Variants in PPP1CB observed in about 807,000 individuals in gnomAD.
PPP1CB encodes the protein protein phosphatase 1 catalytic subunit beta, also known as serine/threonine-protein phosphatase PP1-beta catalytic subunit.
PPP1CB carries 2 observed loss-of-function variants against 43.7 expected under a neutral mutation model. The ratio of observed to expected loss-of-function variants is 0.05; its 90% CI spans 0.02 to 0.14. The LOEUF (loss-of-function observed/expected upper bound fraction) is 0.14, where lower values mean the gene tolerates loss of function less well. Among genes scored for constraint, PPP1CB ranks in the 10% least tolerant of loss-of-function variants. The pLI, the probability that PPP1CB is intolerant of heterozygous loss-of-function variation, is 1.00. For synonymous variants in PPP1CB, 136 were observed against 135.6 expected (o/e 1.00, Z -0.02); for missense variants, 84 against 398.0 (o/e 0.21, Z 6.71).
intron 1 of PPP1CB, among the ~76,000 whole-genome samples, chr2:28,760,025 C>T (rs904210029): frequency 6.6e-6 from 1 of 152,092 alleles, no homozygotes; most frequent in Non-Finnish European, 1.5e-5. Flanking sequence ...GTGATGGCTC[C>T]ATGCATGTTA....
chr2:28,755,950 A>G (rs1291301585), intron 1 of PPP1CB, among the ~76,000 whole-genome samples: 1 of 152,240 alleles, frequency 6.6e-6, no homozygotes, highest in Non-Finnish European at 1.5e-5. Context: ...CATTCTTTCA[A>G]GAAGTCCCCT....
At chr2:28,789,836 T>C (rs899529193) in intron 6 of PPP1CB, among the ~76,000 whole-genome samples, 2 of 152,056 alleles carry the variant, frequency 1.3e-5, no homozygotes, top group African/African-American at 4.8e-5. Flanking sequence ...TGAGCTCAAG[T>C]GATCTGCGCC....
chr2:28,768,388 T>C (rs756210805), intron 1 of PPP1CB, among the ~76,000 whole-genome samples: 11 of 152,174 alleles, frequency 7.2e-5, no homozygotes, highest in Non-Finnish European at 1.6e-4. Context: ...CCTCAAAATC[T>C]GCAGTCAGGT....
chr2:28,752,408 A>T (rs1161544237), intron 1 of PPP1CB, among the ~76,000 whole-genome samples: 1 of 151,802 alleles, frequency 6.6e-6, no homozygotes, highest in East Asian at 1.9e-4. Flanking sequence ...GTTCCCGCGG[A>T]CCCTCGGGGG....
chr2:28,782,929 A>G (rs1455557924), intron 4 of PPP1CB: 1 of 152,230 alleles, frequency 6.6e-6, no homozygotes, highest in East Asian at 1.9e-4. Context: ...GTTTTCCAGT[A>G]GACATTAAAC....
intron 1 of PPP1CB, among the ~76,000 whole-genome samples, chr2:28,774,801 C>A (rs1666997179): frequency 6.6e-6 from 1 of 152,044 alleles, no homozygotes; most frequent in Non-Finnish European, 1.5e-5. Context: ...GTTAGAAAAA[C>A]CCAAATATGC....
chr2:28,763,413 C>G (rs1572447307), intron 1 of PPP1CB, among the ~76,000 whole-genome samples: 1 of 151,842 alleles, frequency 6.6e-6, no homozygotes, highest in African/African-American at 2.4e-5. Flanking sequence ...TTTACCCATC[C>G]TTGCTTTTGT....
chr2:28,775,974 T>G (rs151295939), intron 1 of PPP1CB, among the ~76,000 whole-genome samples: 45 of 152,306 alleles, frequency 3.0e-4, no homozygotes, highest in African/African-American at 1.1e-3. Context: ...GATAAGTTAA[T>G]TTTTAATACA....
intron 6 of PPP1CB, among the ~76,000 whole-genome samples, chr2:28,790,249 C>T (rs1383161252): frequency 2.1e-5 from 3 of 140,362 alleles, no homozygotes; most frequent in Non-Finnish European, 4.8e-5. Flanking sequence ...CCATTTCACT[C>T]CTGCCTGTGC....
intron 5 of PPP1CB, among the ~76,000 whole-genome samples, chr2:28,785,601 G>A (rs550825182): frequency 6.6e-6 from 1 of 152,058 alleles, no homozygotes; most frequent in East Asian, 1.9e-4. Flanking sequence ...CACTTGAGGT[G>A]AGGAGTCGAG....
At chr2:28,788,926 C>T in intron 6 of PPP1CB, 117 bp downstream of exon 6, 1 of 1,033,382 alleles carries the variant, frequency 9.7e-7, no homozygotes, top group East Asian at 2.7e-5. Flanking sequence ...GGCGCAATCT[C>T]TGCTCACTGC....
At chr2:28,755,369 G>C (rs1018777563) in intron 1 of PPP1CB, among the ~76,000 whole-genome samples, 3 of 152,072 alleles carry the variant, frequency 2.0e-5, no homozygotes, top group African/African-American at 7.2e-5. Flanking sequence ...GAGTCCTTTA[G>C]GTCATTTTAA....
Position 28,786,769 on chromosome 2 carries a change from C to T in PPP1CB, c.593-1889C>T, listed in dbSNP as rs538335252. On this transcript the variant is annotated intron_variant, in intron 5 of 7. Coordinates refer to ENST00000395366, the MANE Select transcript of PPP1CB (RefSeq NM_002709.3). Reference sequence around the variant, plus strand: ...CAGCCTGGGTAACAGAGCGAGACTCCGTCTCAAAAAAAAAAAAAAAAAAAA... The same window carrying T: ...CAGCCTGGGTAACAGAGCGAGACTCTGTCTCAAAAAAAAAAAAAAAAAAAA... Among the ~76,000 whole-genome samples the T allele has an allele frequency of 5.1e-4, 25 of 49,228 alleles. No individual in the cohort carries two copies. In the East Asian group the frequency reaches 0.026, roughly 50 times the overall value. The allele number at this position is 49,228 out of a possible 152,430, so 32.3% of individuals were successfully genotyped here. A position where few individuals can be genotyped will look rare whatever the true frequency, so the allele number is the denominator to read the frequency against.
chr2:28,756,033 T>A (rs1407111692), intron 1 of PPP1CB, among the ~76,000 whole-genome samples: 1 of 152,244 alleles, frequency 6.6e-6, no homozygotes, highest in African/African-American at 2.4e-5. Flanking sequence ...TTAACATACT[T>A]TGTAAAATTC....
chr2:28,799,358 AT>A lies in PPP1CB; in HGVS notation c.*56del. 1 of 1,392,512 alleles carries A rather than the reference AT, an allele frequency of 7.2e-7. No homozygotes were observed. Among genetic ancestry groups the A allele is most frequent in the East Asian group, 2.3e-5 (1 of 43,204 alleles). The allele number at this position is 1,392,512 out of a possible 1,614,324, so 86.3% of individuals were successfully genotyped here. ...ATTTGTTAAGGACATACTTCATAAT[AT>A]ATAAGTGTGCACTGTAAAACCATCC... On this transcript the variant is annotated 3_prime_UTR_variant, in exon 8 of 8. Transcript: ENST00000395366.
intron 1 of PPP1CB, among the ~76,000 whole-genome samples, chr2:28,765,073 CACACAG>C (rs1666749660): frequency 6.6e-6 from 1 of 152,112 alleles, no homozygotes; most frequent in Non-Finnish European, 1.5e-5. Flanking sequence ...ATACACACAA[CACACAG>C]ACACATATAT....
At position 28,793,854 on chromosome 2, in the gene PPP1CB, C is replaced by G. The variant is rs780531331; in HGVS notation, c.745-9C>G. 4.3e-6 allele frequency: 7 copies of G among 1,613,406 alleles called. No individual in the cohort carries two copies. The East Asian group carries it at 8.9e-5, about 21-fold the overall frequency. On this transcript the variant is annotated splice_polypyrimidine_tract_variant and intron_variant, in intron 6 of 7. Transcript: ENST00000395366. ...TAAATGTTTTTTCTTCTGACATTTC[C>G]TTTGACAGGTGGTGGAAGATGGATA...
chr2:28,786,774 C>CA (rs70956040), intron 5 of PPP1CB, among the ~76,000 whole-genome samples: 4,563 of 94,794 alleles, frequency 0.048, 464 homozygotes, highest in African/African-American at 0.17. Flanking sequence ...GACTCCGTCT[C>CA]AAAAAAAAAA....
chr2:28,800,548 A>T lies in PPP1CB; in HGVS notation c.*1245A>T, dbSNP rs1450168596. ...TTTGTAGTGAAGTATAGTAGCAATAATTTCTGTACCTGATCAAGTTTATTG... is the reference window on the plus strand; with the variant it reads ...TTTGTAGTGAAGTATAGTAGCAATATTTTCTGTACCTGATCAAGTTTATTG... On this transcript the variant is annotated 3_prime_UTR_variant, in exon 8 of 8. Coordinates refer to ENST00000395366, the MANE Select transcript of PPP1CB (RefSeq NM_002709.3). 6.6e-6 allele frequency: 1 copy of T among 152,446 alleles called. No individual in the cohort carries two copies. Among genetic ancestry groups the T allele is most frequent in the Non-Finnish European group, 1.5e-5 (1 of 67,914 alleles). The allele number at this position is 152,446 out of a possible 1,614,324, so 9.4% of individuals were successfully genotyped here. A position where few individuals can be genotyped will look rare whatever the true frequency, so the allele number is the denominator to read the frequency against.
Sources: gnomAD v4.1 joint callset for allele counts (sites outside exome capture counted in the v4.1 genomes callset) on GRCh38, gnomAD v4.1.1 for gene constraint, MANE v1.5 for transcripts, NCBI Gene and HGNC (gene_info 2026-07-23, HGNC 2026-07-21) for gene names.